WWOX: variants seen among roughly 807,000 people sequenced by gnomAD.
WWOX encodes WW domain containing oxidoreductase, also known as WW domain-containing oxidoreductase.
A neutral mutation model predicts 46.2 loss-of-function variants in WWOX; 69 were observed. The observed-to-expected ratio is 1.49, with a 90% CI of 1.23 to 1.82. The LOEUF is 1.82. WWOX is among the 40% of genes most tolerant of loss of function. WWOX has a pLI of 0.00. For synonymous variants in WWOX, 359 were observed against 202.6 expected (o/e 1.77, Z -6.56); for missense variants, 919 against 542.6 (o/e 1.69, Z -6.89).
chr16:78,180,602 A>G (rs1393893005), intron 5 of WWOX, among the ~76,000 whole-genome samples: 1 of 152,064 alleles, frequency 6.6e-6, no homozygotes. Flanking sequence ...GCTTGTGGGT[A>G]AATCCAGTTG....
intron 8 of WWOX, among the ~76,000 whole-genome samples, chr16:78,577,352 C>T (rs1048277224): frequency 2.0e-5 from 3 of 152,158 alleles, no homozygotes; most frequent in African/African-American, 7.2e-5. Flanking sequence ...TTTTAGCTTT[C>T]TTCAGAACAG....
At chr16:78,170,268 T>C (rs941983608) in intron 5 of WWOX, among the ~76,000 whole-genome samples, 5 of 152,164 alleles carry the variant, frequency 3.3e-5, no homozygotes, top group African/African-American at 1.2e-4. Flanking sequence ...TTGGGCAAGT[T>C]TCTTAACTTC....
chr16:78,111,796 A>G, intron 3 of WWOX: 1 of 164,606 alleles, frequency 6.1e-6, no homozygotes, highest in South Asian at 1.5e-4. Flanking sequence ...TGAAAGTTTT[A>G]AAGTCTTTGA....
chr16:78,619,990 C>T lies in WWOX; in HGVS notation c.1056+187238C>T, dbSNP rs1038865536. Among the ~76,000 whole-genome samples, 4 of 152,160 alleles carry T rather than the reference C, an allele frequency of 2.6e-5. No homozygotes were observed. The South Asian group carries it at 8.3e-4, about 32-fold the overall frequency. ...AGTTCCTGTAGCATGTGCACTACTC[C>T]TGATTAACCAAGTGAAAGAGAAAAT... is the stretch of plus-strand genomic sequence containing the variant. On this transcript the variant is annotated intron_variant, in intron 8 of 8. Transcript: ENST00000566780.
chr16:78,174,138 A>G (rs1038501027), intron 5 of WWOX, among the ~76,000 whole-genome samples: 1 of 152,184 alleles, frequency 6.6e-6, no homozygotes, highest in Non-Finnish European at 1.5e-5. Flanking sequence ...GTCCATTTTC[A>G]TGCTTCTAAT....
At chr16:78,606,718 G>GT (rs59612285) in intron 8 of WWOX, among the ~76,000 whole-genome samples, 23,944 of 120,772 alleles carry the variant, frequency 0.2, 3,574 homozygotes, top group African/African-American at 0.44. Flanking sequence ...CAGAATTGCA[G>GT]TTTTTTTTTT....
intron 8 of WWOX, among the ~76,000 whole-genome samples, chr16:78,857,513 T>A (rs898727535): frequency 4.6e-5 from 7 of 152,182 alleles, no homozygotes; most frequent in Admixed American, 1.3e-4. Context: ...TAAACTTTAA[T>A]GCGATTAAGA....
chr16:78,779,114 G>C (rs9940973), intron 8 of WWOX, among the ~76,000 whole-genome samples: 123,360 of 152,170 alleles, frequency 0.81, 50,305 homozygotes, highest in Middle Eastern at 0.91. Context: ...ACATATCTCA[G>C]TGTTGGAAAA....
intron 8 of WWOX, among the ~76,000 whole-genome samples, chr16:79,194,677 A>T (rs1567609916): frequency 6.6e-6 from 1 of 152,044 alleles, no homozygotes; most frequent in African/African-American, 2.4e-5. Context: ...TTTCTGTTCT[A>T]CAGCCCCCGC....
intron 8 of WWOX, among the ~76,000 whole-genome samples, chr16:78,954,599 C>A (rs1158722924): frequency 1.3e-5 from 2 of 152,132 alleles, no homozygotes; most frequent in African/African-American, 4.8e-5. Flanking sequence ...GGGCTGGAAA[C>A]AGACACATAA....
chr16:78,730,084 A>G (rs1361239529), intron 8 of WWOX, among the ~76,000 whole-genome samples: 1 of 152,070 alleles, frequency 6.6e-6, no homozygotes, highest in Non-Finnish European at 1.5e-5. Flanking sequence ...CATGGTGGTG[A>G]TGGTGTTTTA....
At chr16:78,374,502 G>T (rs1030919454) in intron 5 of WWOX, among the ~76,000 whole-genome samples, 2 of 125,618 alleles carry the variant, frequency 1.6e-5, no homozygotes, top group Non-Finnish European at 3.3e-5. Context: ...ATGGTGTTTT[G>T]AGTCCTCAAC....
chr16:79,016,367 C>G (rs951771689), intron 8 of WWOX: 1 of 152,168 alleles, frequency 6.6e-6, no homozygotes, highest in African/African-American at 2.4e-5. Flanking sequence ...ATTGCATGTT[C>G]ACTCTCTTCC....
intron 8 of WWOX, among the ~76,000 whole-genome samples, chr16:78,535,846 TGACCTAGAGCAAGG>T (rs1362390536): frequency 6.6e-6 from 1 of 152,142 alleles, no homozygotes. Flanking sequence ...CTCAGAGGTA[TGACCTAGAGCAAGG>T]GGTTTAGGCT....
At chr16:78,336,341 A>G (rs2080887020) in intron 5 of WWOX, among the ~76,000 whole-genome samples, 1 of 150,612 alleles carries the variant, frequency 6.6e-6, no homozygotes, top group Admixed American at 6.6e-5. Flanking sequence ...AAAAAAAAAA[A>G]AAAAAACCAC....
At chr16:79,209,210 G>A (rs1057411383) in intron 8 of WWOX, among the ~76,000 whole-genome samples, 5 of 152,338 alleles carry the variant, frequency 3.3e-5, no homozygotes, top group East Asian at 3.9e-4. Flanking sequence ...AATGAAGCCA[G>A]TTGTAATTGC....
At chr16:79,057,111 T>C (rs894742286) in intron 8 of WWOX, among the ~76,000 whole-genome samples, 21 of 152,242 alleles carry the variant, frequency 1.4e-4, no homozygotes, top group African/African-American at 5.1e-4. Flanking sequence ...CTGTTATGAC[T>C]GCTTGGGGAG....
chr16:78,790,380 C>A (rs371196576), intron 8 of WWOX, among the ~76,000 whole-genome samples: 7 of 152,078 alleles, frequency 4.6e-5, no homozygotes, highest in East Asian at 3.9e-4. Context: ...AGTGATTTGC[C>A]CGCCCCAGCC....
intron 6 of WWOX, among the ~76,000 whole-genome samples, chr16:78,402,622 C>T (rs2082439933): frequency 6.6e-6 from 1 of 152,114 alleles, no homozygotes; most frequent in African/African-American, 2.4e-5. Context: ...GGTATTGGTA[C>T]AATCAGTCAG....
Sources: gnomAD v4.1 joint callset for allele counts (sites outside exome capture counted in the v4.1 genomes callset) on GRCh38, gnomAD v4.1.1 for gene constraint, MANE v1.5 for transcripts, NCBI Gene and HGNC (gene_info 2026-07-23, HGNC 2026-07-21) for gene names.